MMP28: variants seen among roughly 807,000 people sequenced by gnomAD.
MMP28 encodes matrix metallopeptidase 28.
Under a neutral mutation model 60.5 loss-of-function variants are expected in MMP28, and 55 were observed. The ratio of observed to expected loss-of-function variants is 0.91; its 90% CI spans 0.73 to 1.14. The LOEUF is 1.14. Among genes scored for constraint, MMP28 ranks in the 50% most tolerant of loss-of-function variants. The pLI is 0.00. For synonymous variants in MMP28, 318 were observed against 312.5 expected (o/e 1.02, Z -0.18); for missense variants, 686 against 738.3 (o/e 0.93, Z 0.82).
At position 35,768,383 on chromosome 17, in the gene MMP28, T is replaced by C. The variant is rs901306740; in HGVS notation, c.851-4A>G. 6.3e-7 allele frequency: 1 copy of C among 1,594,856 alleles called. No individual in the cohort carries two copies. The highest frequency in any genetic ancestry group is 8.5e-7 in the Non-Finnish European group (1 of 1,172,752). The stretch of plus-strand genomic sequence containing the variant: ...ACTGAGCCCCCTAGGGGCTTCCCTT[T>C]GTGAGTAAGGAAATAAGAGAGAGAG... On this transcript the variant is annotated splice_polypyrimidine_tract_variant and splice_region_variant and intron_variant, in intron 5 of 7. Coordinates refer to ENST00000605424, the MANE Select transcript of MMP28 (RefSeq NM_024302.5).
chr17:35,757,180 A>T (rs1177526408), intron 2 of MMP28: 2 of 151,562 alleles, frequency 1.3e-5, no homozygotes, highest in East Asian at 3.9e-4. Context: ...ATAAATAAAT[A>T]AAATAAAAAA....
At chr17:35,770,884 C>T (rs1057367948) in intron 4 of MMP28, among the ~76,000 whole-genome samples, 2 of 151,742 alleles carry the variant, frequency 1.3e-5, no homozygotes, top group African/African-American at 2.4e-5. Flanking sequence ...GACCTCATCT[C>T]CACTAAAAAA....
In MMP28 at chr17:35,795,550, C is replaced by T; in HGVS notation, c.-173G>A. The T allele has an allele frequency of 2.4e-6, 1 of 419,204 alleles. No homozygotes were observed. Among genetic ancestry groups the T allele is most frequent in the Non-Finnish European group, 4.1e-6 (1 of 245,366 alleles). The allele number at this position is 419,204 out of a possible 1,614,324, so 26.0% of individuals were successfully genotyped here. A position where few individuals can be genotyped will look rare whatever the true frequency, so the allele number is the denominator to read the frequency against. On this transcript the variant is annotated 5_prime_UTR_variant, in exon 1 of 8. Transcript: ENST00000605424. Reference sequence around the variant, plus strand: ...TAGCTGCGCGCTCTGGGCCGCTCCTCCGCTGCCCTTCGCCGGGAGCCGGCC... The same window carrying T: ...TAGCTGCGCGCTCTGGGCCGCTCCTTCGCTGCCCTTCGCCGGGAGCCGGCC...
downstream of MMP28, chr17:35,764,236 G>C (rs1555602192): frequency 1.3e-6 from 2 of 1,543,252 alleles, no homozygotes; most frequent in Non-Finnish European, 1.7e-6. Flanking sequence ...GCACCCAGCA[G>C]GTGGCGCTGC....
rs1334754430 is a variant in MMP28, at chr17:35,770,272, T to C, written c.645A>G (p.Glu215=). The C allele has an allele frequency of 6.4e-7, 1 of 1,568,602 alleles. No individual in the cohort carries two copies. The highest frequency in any genetic ancestry group is 1.3e-5 in the African/African-American group (1 of 74,132). ...LAHAFLPRRG[E]AHFDQDERWS... ...AGCGCTCATCTTGGTCGAAGTGCGC[T>C]TCGCCGCGGCGGGGCAGGAAGGCGT... is the stretch of plus-strand genomic sequence containing the variant. Residue 215 remains glutamate (E), a synonymous_variant, in exon 5 of 8, where the codon GAA becomes GAG. Coordinates refer to ENST00000605424, the MANE Select transcript of MMP28 (RefSeq NM_024302.5).
chr17:35,788,594 G>C (rs990630305), intron 1 of MMP28, among the ~76,000 whole-genome samples: 2 of 152,084 alleles, frequency 1.3e-5, no homozygotes, highest in African/African-American at 4.8e-5. Flanking sequence ...AGGCTTCTGG[G>C]TTTCTGACTC....
Position 35,766,785 on chromosome 17 carries a change from A to G in MMP28, c.1278T>C (p.Pro426=). 1 of 1,574,882 alleles carries G rather than the reference A, an allele frequency of 6.3e-7. No individual in the cohort carries two copies. Among genetic ancestry groups the G allele is most frequent in the Non-Finnish European group, 8.6e-7 (1 of 1,161,000 alleles). Residue 426 remains proline, a synonymous_variant, in exon 8 of 8, where the codon CCT becomes CCC. Coordinates refer to ENST00000605424, the MANE Select transcript of MMP28 (RefSeq NM_024302.5). The surrounding 1 kb of genome is among the most constrained non-coding windows in gnomAD (Gnocchi z 4.3). Reference sequence around the variant, plus strand: ...CCTTGAAGAGGATGAGGCGGCGCAGAGGAGGGAAGAAGAGGGCGGCGTCAG... The same window carrying G: ...CCTTGAAGAGGATGAGGCGGCGCAGGGGAGGGAAGAAGAGGGCGGCGTCAG... The part of the protein sequence containing the change: ...RHPDAALFFP[P]LRRLILFKGA...
chr17:35,764,406 C>A (rs782446082), downstream of MMP28: 11 of 1,512,838 alleles, frequency 7.3e-6, no homozygotes, highest in Non-Finnish European at 7.9e-6. Flanking sequence ...AGGCACTGAG[C>A]GCCTGGTCCC....
chr17:35,794,849 G>T (rs2086920097), intron 1 of MMP28, among the ~76,000 whole-genome samples: 1 of 152,186 alleles, frequency 6.6e-6, no homozygotes, highest in African/African-American at 2.4e-5. Context: ...GGAAGCCAGC[G>T]CTGTGTCCCG....
chr17:35,759,436 T>G (rs892694276), intron 2 of MMP28, among the ~76,000 whole-genome samples: 15 of 152,278 alleles, frequency 9.9e-5, no homozygotes, highest in African/African-American at 3.4e-4. Context: ...GCGCAGTGGC[T>G]CAGGCCTGTC....
Position 35,773,302 on chromosome 17 carries a change from A to T in MMP28, c.482T>A (p.Leu161Ter). 1.9e-6 allele frequency: 3 copies of T among 1,613,884 alleles called. No homozygotes were observed. The highest frequency in any genetic ancestry group is 2.5e-6 in the Non-Finnish European group (3 of 1,179,860). ...VRGAVRAAFQ[L>*]WSNVSALEFW... ...CTCCAGCGCTGAGACGTTGCTCCACAACTGGAAGGCGGCGCGCACGGCGCC... is the reference window on the plus strand; with the variant it reads ...CTCCAGCGCTGAGACGTTGCTCCACTACTGGAAGGCGGCGCGCACGGCGCC... The change falls in exon 4 of 8, where the codon TTG becomes TAG. Residue 161 changes from leucine to a stop codon, truncating the protein, a stop_gained. Transcript: ENST00000605424. LOFTEE classifies it high-confidence loss of function.
chr17:35,768,641 C>T (rs2086021358), intron 5 of MMP28, among the ~76,000 whole-genome samples: 1 of 152,070 alleles, frequency 6.6e-6, no homozygotes, highest in Non-Finnish European at 1.5e-5. Flanking sequence ...GAAACCCTGT[C>T]TGTACTAAAA....
chr17:35,792,745 G>A (rs2086849147), intron 1 of MMP28, among the ~76,000 whole-genome samples: 2 of 152,186 alleles, frequency 1.3e-5, no homozygotes, highest in Admixed American at 1.3e-4. Context: ...TTAAGCCGAA[G>A]CTCAGTTCTC....
chr17:35,763,925 T>TAAATAAATAAATAAAG (rs2085877258), downstream of MMP28: 2 of 992,884 alleles, frequency 2.0e-6, no homozygotes, highest in African/African-American at 3.4e-5. Flanking sequence ...AATAAATAAA[T>TAAATAAATAAATAAAG]AAATAAATAA....
At chr17:35,782,080 C>T (rs2086522556) in intron 1 of MMP28, among the ~76,000 whole-genome samples, 1 of 141,468 alleles carries the variant, frequency 7.1e-6, no homozygotes. Flanking sequence ...GAGACAGAGT[C>T]TCGCTCTGTC....
downstream of MMP28, among the ~76,000 whole-genome samples, chr17:35,761,138 C>G (rs1448010436): frequency 7.1e-6 from 1 of 140,710 alleles, no homozygotes; most frequent in Non-Finnish European, 1.5e-5. Context: ...GAGTCTTGCT[C>G]TATCACCCAG....
intron 2 of MMP28, 82 bp from the exon 3 acceptor site, chr17:35,779,157 G>A: frequency 6.4e-7 from 1 of 1,570,506 alleles, no homozygotes; most frequent in Non-Finnish European, 8.7e-7. Flanking sequence ...GGTGTAGCCA[G>A]CCAGGCTTCC....
At position 35,779,280 on chromosome 17, in the gene MMP28, T is replaced by C; in HGVS notation, c.155A>G (p.Lys52Arg). ...KYGYLNEQVP[K>R]APTSTRFSDA... ...GCTGAATCGAGTGGAGGTGGGAGCTTTGGGGACCTGTTCATTGAGGTATCC... is the reference window on the plus strand; with the variant it reads ...GCTGAATCGAGTGGAGGTGGGAGCTCTGGGGACCTGTTCATTGAGGTATCC... Residue 52 changes from lysine (K) to arginine (R), a missense_variant, in exon 2 of 8, where the codon AAA (lysine) becomes AGA (arginine). Lys to Arg is a conservative substitution (Grantham distance 26). Transcript: ENST00000605424. 2 of 1,613,392 alleles carry C rather than the reference T, an allele frequency of 1.2e-6. No homozygotes were observed. Among genetic ancestry groups the C allele is most frequent in the Non-Finnish European group, 1.7e-6 (2 of 1,179,726 alleles).
At chr17:35,763,347 G>A (rs1453881239), downstream of MMP28, among the ~76,000 whole-genome samples, 3 of 151,640 alleles carry the variant, frequency 2.0e-5, no homozygotes, top group African/African-American at 7.3e-5. Context: ...TGCAATCATG[G>A]CTCACCATAG....
Sources: allele counts gnomAD v4.1 joint callset (sites outside exome capture counted in the v4.1 genomes callset), GRCh38; gene constraint gnomAD v4.1.1; non-coding constraint Gnocchi (gnomAD v3.1); transcripts MANE v1.5; gene names NCBI Gene and HGNC (gene_info 2026-07-23, HGNC 2026-07-21).